The following CFAP77 variants were observed in gnomAD, a reference collection of about 807,000 sequenced individuals.
CFAP77 encodes cilia- and flagella-associated protein 77.
A neutral mutation model predicts 31.1 loss-of-function variants in CFAP77; 25 were observed. That is an observed-to-expected ratio of 0.80 (90% CI 0.59 to 1.12). CFAP77 has a LOEUF of 1.12. Among genes scored for constraint, CFAP77 ranks in the 50% most tolerant of loss-of-function variants. The pLI is 0.00. For missense variants in CFAP77, 377 were observed against 397.3 expected, an observed-to-expected ratio of 0.95 and a Z score of 0.44; for synonymous variants, 151 against 159.9, an observed-to-expected ratio of 0.94 and a Z score of 0.42.
Position 132,508,128 on chromosome 9 carries a change from AAG to A in CFAP77, c.524+8535_524+8536del, listed in dbSNP as rs1004406029. Reference sequence around the variant, plus strand: ...GACTTTGAGACAGTTATCAGAAGCAAAGAGAGAGTCCATCTGAGACCCAGAGA... The same window carrying A: ...GACTTTGAGACAGTTATCAGAAGCAAAGAGAGTCCATCTGAGACCCAGAGA... On this transcript the variant is annotated intron_variant, in intron 3 of 5. Coordinates refer to ENST00000393216, the MANE Select transcript of CFAP77 (RefSeq NM_001282957.2). 6.0e-4 allele frequency among the ~76,000 whole-genome samples: 91 copies of A among 152,144 alleles called. 2 individuals carry two copies. The highest frequency in any genetic ancestry group is 5.9e-5 in the Non-Finnish European group (4 of 68,022).
chr9:132,555,255 G>GA (rs993913410), intron 5 of CFAP77, among the ~76,000 whole-genome samples: 6 of 152,170 alleles, frequency 3.9e-5, no homozygotes, highest in African/African-American at 1.4e-4. Flanking sequence ...AAAGATACCA[G>GA]AAAAAAATCC....
intron 1 of CFAP77, among the ~76,000 whole-genome samples, chr9:132,422,377 C>T (rs944614): frequency 0.11 from 17,404 of 152,174 alleles, 1,247 homozygotes; most frequent in East Asian, 0.41. Flanking sequence ...CAGGGATACA[C>T]ATTGCGGAGG....
intron 1 of CFAP77, among the ~76,000 whole-genome samples, chr9:132,428,335 A>C (rs1184001878): frequency 6.6e-6 from 1 of 151,834 alleles, no homozygotes; most frequent in Non-Finnish European, 1.5e-5. Flanking sequence ...TAATAACTGC[A>C]AGGAGCCGGG....
At chr9:132,417,926 C>T (rs1366769709) in intron 1 of CFAP77, among the ~76,000 whole-genome samples, 1 of 152,242 alleles carries the variant, frequency 6.6e-6, no homozygotes, top group African/African-American at 2.4e-5. Context: ...TCACCCACCT[C>T]ATCTCTTGTT....
intron 1 of CFAP77, chr9:132,482,213 C>G (rs989149958): frequency 4.6e-6 from 3 of 657,648 alleles, no homozygotes; most frequent in Non-Finnish European, 8.0e-6. Flanking sequence ...TCATAGGGAG[C>G]CTTTTTCTTA....
chr9:132,548,705 G>A (rs890198041), intron 5 of CFAP77, among the ~76,000 whole-genome samples: 2 of 95,462 alleles, frequency 2.1e-5, no homozygotes, highest in East Asian at 3.3e-4. Flanking sequence ...TTCCCCTCCC[G>A]CCCCCACCCT....
chr9:132,520,584 G>T (rs1214270197), intron 3 of CFAP77, among the ~76,000 whole-genome samples: 2 of 152,146 alleles, frequency 1.3e-5, no homozygotes, highest in Non-Finnish European at 2.9e-5. Context: ...GATTAAAGCT[G>T]CAGTGAGCTA....
Position 132,498,712 on chromosome 9 carries a change from C to G in CFAP77, c.213C>G (p.Pro71=). 1 of 1,611,944 alleles carries G rather than the reference C, an allele frequency of 6.2e-7. No homozygotes were observed. Among genetic ancestry groups the G allele is most frequent in the Non-Finnish European group, 8.5e-7 (1 of 1,178,942 alleles). Residue 71 remains proline (P), a synonymous_variant, in exon 2 of 6, where the codon CCC becomes CCG. Coordinates refer to ENST00000393216, the MANE Select transcript of CFAP77 (RefSeq NM_001282957.2). This position sits in a 1 kb window ranked among gnomAD's most constrained non-coding sequence, Gnocchi z 4.2. ...CCCGACAGGCTGAACTCGGCAAGCC[C>G]CGGGAAAGAAGCTACAGTCTGCCCG... ...PLIVKAELGK[P]RERSYSLPGI...
Position 132,466,328 on chromosome 9 carries a change from A to C in CFAP77, c.196-32367A>C, listed in dbSNP as rs535043298. On this transcript the variant is annotated intron_variant, in intron 1 of 5. Coordinates refer to ENST00000393216, the MANE Select transcript of CFAP77 (RefSeq NM_001282957.2). ...CTCTCACGACAGGACCCATCCCGGGATGCCTTTAGACAACGCTTTGATTGA... is the reference window on the plus strand; with the variant it reads ...CTCTCACGACAGGACCCATCCCGGGCTGCCTTTAGACAACGCTTTGATTGA... 9.9e-5 allele frequency among the ~76,000 whole-genome samples: 15 copies of C among 152,216 alleles called. No homozygotes were observed. The East Asian group carries it at 2.7e-3, about 27-fold the overall frequency.
intron 1 of CFAP77, among the ~76,000 whole-genome samples, chr9:132,452,199 T>C (rs1679040353): frequency 6.6e-6 from 1 of 152,210 alleles, no homozygotes; most frequent in Admixed American, 6.5e-5. Context: ...ACAATGCATG[T>C]GTCTCCTCCC....
At chr9:132,506,678 C>T (rs1851935992) in intron 3 of CFAP77, among the ~76,000 whole-genome samples, 1 of 152,106 alleles carries the variant, frequency 6.6e-6, no homozygotes, top group Admixed American at 6.5e-5. Flanking sequence ...ACAATGGCAA[C>T]TATGTGTTAT....
intron 1 of CFAP77, among the ~76,000 whole-genome samples, chr9:132,473,586 G>A (rs897475082): frequency 1.3e-5 from 2 of 152,126 alleles, no homozygotes; most frequent in African/African-American, 4.8e-5. Flanking sequence ...CAAACCAGAC[G>A]CGTGAAAGCC....
At chr9:132,508,208 C>T (rs913731787) in intron 3 of CFAP77, among the ~76,000 whole-genome samples, 3 of 152,178 alleles carry the variant, frequency 2.0e-5, no homozygotes, top group African/African-American at 7.2e-5. Context: ...TGATCCCCGC[C>T]CCCCGCGCCG....
intron 1 of CFAP77, among the ~76,000 whole-genome samples, chr9:132,470,997 A>G (rs150914424): frequency 3.3e-5 from 5 of 152,272 alleles, no homozygotes; most frequent in African/African-American, 1.2e-4. Context: ...TTTTTAAATG[A>G]TATTTTATAA....
At chr9:132,441,757 C>A (rs1850618999) in intron 1 of CFAP77, among the ~76,000 whole-genome samples, 1 of 152,146 alleles carries the variant, frequency 6.6e-6, no homozygotes. Context: ...ATACCAGGAA[C>A]CCGATCTTCT....
intron 1 of CFAP77, among the ~76,000 whole-genome samples, chr9:132,450,889 A>G (rs182615254): frequency 6.6e-6 from 1 of 152,320 alleles, no homozygotes; most frequent in Non-Finnish European, 1.5e-5. Flanking sequence ...CAAGAAACAA[A>G]TGAATGGGTT....
chr9:132,455,970 C>T lies in CFAP77; in HGVS notation c.196-42725C>T, dbSNP rs1850905620. ...AAGTTATTTATCCACTCTTAGTTTT[C>T]CCTTCTCTAAAATGAGGACAATTAC... On this transcript the variant is annotated intron_variant, in intron 1 of 5. Coordinates refer to ENST00000393216, the MANE Select transcript of CFAP77 (RefSeq NM_001282957.2). This position sits in a 1 kb window ranked among gnomAD's most constrained non-coding sequence, Gnocchi z 4.1. Among the ~76,000 whole-genome samples, 1 of 152,168 alleles carries T rather than the reference C, an allele frequency of 6.6e-6. No homozygotes were observed. The highest frequency in any genetic ancestry group is 1.5e-5 in the Non-Finnish European group (1 of 68,040).
intron 1 of CFAP77, among the ~76,000 whole-genome samples, chr9:132,418,033 T>C (rs1850136952): frequency 6.6e-6 from 1 of 152,254 alleles, no homozygotes; most frequent in South Asian, 2.1e-4. Flanking sequence ...GTGGCTTAAT[T>C]TCTCAGCCTG....
At chr9:132,536,058 C>CAT (rs888269602) in intron 3 of CFAP77, among the ~76,000 whole-genome samples, 1 of 151,910 alleles carries the variant, frequency 6.6e-6, no homozygotes. Context: ...GTATATGCAT[C>CAT]ATATATATAT....
Sources: gnomAD v4.1 joint callset for allele counts (sites outside exome capture counted in the v4.1 genomes callset) on GRCh38, gnomAD v4.1.1 for gene constraint, Gnocchi (gnomAD v3.1) non-coding constraint, MANE v1.5 for transcripts, NCBI Gene and HGNC (gene_info 2026-07-23, HGNC 2026-07-21) for gene names.